Variants in TLL2 observed in about 807,000 individuals in gnomAD.
TLL2 encodes tolloid-like protein 2.
Under a neutral mutation model 123.0 loss-of-function variants are expected in TLL2, and 106 were observed. That is an observed-to-expected ratio of 0.86 (90% CI 0.74 to 1.01). The LOEUF (loss-of-function observed/expected upper bound fraction) is 1.01, where lower values mean the gene tolerates loss of function less well. Among genes scored for constraint, TLL2 ranks in the 50% least tolerant of loss-of-function variants. TLL2 has a pLI of 0.00. For missense variants in TLL2, 1,332 were observed against 1,336.7 expected (o/e 1.00, Z 0.06); for synonymous variants, 494 against 516.8 (o/e 0.96, Z 0.60).
chr10:96,448,730 A>T (rs1011389090), intron 2 of TLL2, among the ~76,000 whole-genome samples: 2 of 152,140 alleles, frequency 1.3e-5, no homozygotes, highest in African/African-American at 4.8e-5. Context: ...AACTATGGGA[A>T]CAGCAAGTGC....
chr10:96,489,015 G>T (rs1417278976), intron 1 of TLL2, among the ~76,000 whole-genome samples: 2 of 152,200 alleles, frequency 1.3e-5, no homozygotes, highest in South Asian at 2.1e-4. Flanking sequence ...GCACTAAGGG[G>T]TAAGTTCAAA....
At chr10:96,472,016 C>G (rs982002355) in intron 2 of TLL2, among the ~76,000 whole-genome samples, 4 of 152,070 alleles carry the variant, frequency 2.6e-5, no homozygotes, top group Middle Eastern at 3.2e-3. Context: ...AGAAAAGAGG[C>G]CACCAGGACC....
intron 16 of TLL2, among the ~76,000 whole-genome samples, chr10:96,382,613 G>A (rs964953024): frequency 6.6e-6 from 1 of 152,234 alleles, no homozygotes; most frequent in Admixed American, 6.5e-5. Flanking sequence ...ATTAGGTCAT[G>A]AGAGCTCATT....
intron 9 of TLL2, among the ~76,000 whole-genome samples, chr10:96,409,785 C>T (rs1262163602): frequency 2.0e-5 from 3 of 152,190 alleles, no homozygotes; most frequent in African/African-American, 7.2e-5. Flanking sequence ...TCCCTGTCCA[C>T]ACAGCTCTGA....
At chr10:96,399,125 C>T (rs968898851) in intron 10 of TLL2, among the ~76,000 whole-genome samples, 1 of 152,120 alleles carries the variant, frequency 6.6e-6, no homozygotes, top group Admixed American at 6.5e-5. Context: ...CCCGCCTCAG[C>T]TTCCCAAAGT....
chr10:96,400,357 C>CAAAAAAA (rs55975748), intron 10 of TLL2, among the ~76,000 whole-genome samples: 2 of 109,890 alleles, frequency 1.8e-5, no homozygotes, highest in Admixed American at 9.6e-5. Context: ...CTACTACCAT[C>CAAAAAAA]AAAAAAAAAA....
At position 96,420,502 on chromosome 10, in the gene TLL2, AG is replaced by A. The variant is rs1170288990; in HGVS notation, c.923+453del. Among the ~76,000 whole-genome samples the A allele has an allele frequency of 3.9e-5, 6 of 152,178 alleles. No homozygotes were observed. In the East Asian group the frequency reaches 1.2e-3, roughly 29 times the overall value. On this transcript the variant is annotated intron_variant, in intron 7 of 20. Transcript: ENST00000357947. ...ACCTGTCCATCTGAGAGCTGGCTGG[AG>A]CCTCATTGTCTTCACCTCTAAAATG...
chr10:96,421,110 T>C (rs748169107), intron 6 of TLL2, 49 bp from the exon 7 acceptor site: 1 of 1,460,898 alleles, frequency 6.8e-7, no homozygotes, highest in Non-Finnish European at 9.6e-7. Flanking sequence ...GTCAGGCACC[T>C]GAAAGGAGGC....
At chr10:96,444,027 C>T (rs1165815508) in intron 3 of TLL2, among the ~76,000 whole-genome samples, 1 of 152,154 alleles carries the variant, frequency 6.6e-6, no homozygotes, top group Non-Finnish European at 1.5e-5. Flanking sequence ...CAGGAAGAGG[C>T]GATTCCCACT....
chr10:96,368,770 A>G (rs892549334), intron 20 of TLL2, among the ~76,000 whole-genome samples: 29 of 152,204 alleles, frequency 1.9e-4, no homozygotes, highest in Admixed American at 1.8e-3. Flanking sequence ...TATTGGTCAG[A>G]AAGGTTTTGC....
chr10:96,468,674 C>T (rs10882795), intron 2 of TLL2, among the ~76,000 whole-genome samples: 24,032 of 152,178 alleles, frequency 0.16, 2,269 homozygotes, highest in East Asian at 0.29. Context: ...GATTCAGGCT[C>T]TCAGGTTCAT....
intron 2 of TLL2, among the ~76,000 whole-genome samples, chr10:96,453,349 A>G (rs1846980695): frequency 6.6e-6 from 1 of 152,116 alleles, no homozygotes; most frequent in African/African-American, 2.4e-5. Flanking sequence ...ACAGCTACTT[A>G]GGAGGCTGAG....
intron 1 of TLL2, among the ~76,000 whole-genome samples, chr10:96,510,796 A>T (rs1847621486): frequency 6.6e-6 from 1 of 152,244 alleles, no homozygotes; most frequent in African/African-American, 2.4e-5. Context: ...TCATAGACTC[A>T]TAGAACACTG....
chr10:96,419,974 A>G (rs1042089513), intron 7 of TLL2, among the ~76,000 whole-genome samples: 5 of 152,150 alleles, frequency 3.3e-5, no homozygotes, highest in Admixed American at 1.3e-4. Context: ...ACAGCATATA[A>G]CTCTGAGCAC....
chr10:96,455,176 C>A (rs1846999947), intron 2 of TLL2, among the ~76,000 whole-genome samples: 1 of 152,088 alleles, frequency 6.6e-6, no homozygotes, highest in South Asian at 2.1e-4. Context: ...TTGCAGTGAG[C>A]CATGATCGCA....
At chr10:96,386,409 A>T (rs778173024) in intron 14 of TLL2, among the ~76,000 whole-genome samples, 194 bp from the exon 15 acceptor site, 2 of 152,264 alleles carry the variant, frequency 1.3e-5, no homozygotes. Context: ...AATTGGGGAT[A>T]AATCTTTACT....
At chr10:96,378,318 C>T (rs1467867705) in intron 17 of TLL2, among the ~76,000 whole-genome samples, 1 of 152,194 alleles carries the variant, frequency 6.6e-6, no homozygotes, top group South Asian at 2.1e-4. Flanking sequence ...CATAAATGTT[C>T]GAAATCCCTT....
At chr10:96,486,881 T>C (rs1374424404) in intron 1 of TLL2, among the ~76,000 whole-genome samples, 1 of 152,214 alleles carries the variant, frequency 6.6e-6, no homozygotes, top group Non-Finnish European at 1.5e-5. Flanking sequence ...CACTGTCCCC[T>C]GGGCCTGCTC....
In TLL2 at chr10:96,476,241, T is replaced by TATATATATATATATATTC. The variant is rs1554939631; in HGVS notation, c.286+4107_286+4108insGAATATATATATATATAT. Among the ~76,000 whole-genome samples, 113 of 72,158 alleles carry TATATATATATATATATTC rather than the reference T, an allele frequency of 1.6e-3. 4 individuals carry two copies. The highest frequency in any genetic ancestry group is 0.012 in the East Asian group (17 of 1,448). The allele number at this position is 72,158 out of a possible 152,430, so 47.3% of individuals were successfully genotyped here. A position where few individuals can be genotyped will look rare whatever the true frequency, so the allele number is the denominator to read the frequency against. The stretch of plus-strand genomic sequence containing the variant: ...TTATATGTATATATATATATATATA[T>TATATATATATATATATTC]TTTATTTTTGTTGTTGTTGTTGTTG... On this transcript the variant is annotated intron_variant, in intron 2 of 20. Coordinates refer to ENST00000357947, the MANE Select transcript of TLL2 (RefSeq NM_012465.4).
Sources: allele counts gnomAD v4.1 joint callset (sites outside exome capture counted in the v4.1 genomes callset), GRCh38; gene constraint gnomAD v4.1.1; transcripts MANE v1.5; gene names NCBI Gene and HGNC (gene_info 2026-07-23, HGNC 2026-07-21).